Variants in HS6ST3 observed in about 807,000 individuals in gnomAD.
HS6ST3 encodes the protein heparan-sulfate 6-O-sulfotransferase 3.
A neutral mutation model predicts 36.7 loss-of-function variants in HS6ST3; 12 were observed. That is an observed-to-expected ratio of 0.33 (90% CI 0.21 to 0.53). The LOEUF is 0.53. Ranked by LOEUF, HS6ST3 falls within the 20% of genes least tolerant of loss-of-function variation. The pLI is 0.95. For missense variants in HS6ST3, 584 were observed against 640.9 expected (o/e 0.91, Z 0.96); for synonymous variants, 240 against 257.5 (o/e 0.93, Z 0.65).
At chr13:96,622,360 A>C (rs1326310926) in intron 1 of HS6ST3, among the ~76,000 whole-genome samples, 1 of 152,164 alleles carries the variant, frequency 6.6e-6, no homozygotes, top group African/African-American at 2.4e-5. Flanking sequence ...ATTTCCTGTT[A>C]AATTGTCAGC....
intron 1 of HS6ST3, among the ~76,000 whole-genome samples, chr13:96,483,182 T>C (rs981454788): frequency 6.6e-6 from 1 of 152,202 alleles, no homozygotes; most frequent in Non-Finnish European, 1.5e-5. Flanking sequence ...TGCATTTAAC[T>C]GTGGGAATGG....
chr13:96,314,353 G>A (rs1237496859), intron 1 of HS6ST3, among the ~76,000 whole-genome samples: 7 of 151,984 alleles, frequency 4.6e-5, no homozygotes, highest in South Asian at 4.2e-4. Flanking sequence ...TTATCTATAC[G>A]CTTTACTAAG....
intron 1 of HS6ST3, among the ~76,000 whole-genome samples, chr13:96,793,980 G>C (rs777008273): frequency 1.4e-4 from 22 of 151,922 alleles, no homozygotes; most frequent in Non-Finnish European, 2.8e-4. Context: ...AGATAATAAT[G>C]CATTTTATTT....
At chr13:96,727,231 T>C (rs1317676168) in intron 1 of HS6ST3, among the ~76,000 whole-genome samples, 1 of 152,148 alleles carries the variant, frequency 6.6e-6, no homozygotes, top group Non-Finnish European at 1.5e-5. Flanking sequence ...TTTTCATCTG[T>C]AAAGTGGGGA....
At chr13:96,245,392 A>AT (rs1392738322) in intron 1 of HS6ST3, among the ~76,000 whole-genome samples, 2 of 152,104 alleles carry the variant, frequency 1.3e-5, no homozygotes, top group African/African-American at 4.8e-5. Context: ...TAACTTAATT[A>AT]TTTTTTCCAT....
chr13:96,795,601 A>C (rs1228407623), intron 1 of HS6ST3, among the ~76,000 whole-genome samples: 1 of 152,132 alleles, frequency 6.6e-6, no homozygotes, highest in Non-Finnish European at 1.5e-5. Context: ...TTTTTCAAAC[A>C]AAAATGCAAC....
intron 1 of HS6ST3, among the ~76,000 whole-genome samples, chr13:96,484,353 G>A (rs1373127432): frequency 6.6e-6 from 1 of 151,724 alleles, no homozygotes; most frequent in African/African-American, 2.4e-5. Flanking sequence ...TGTGCACATT[G>A]TTGATGTAAG....
At chr13:96,381,065 TA>T (rs1028758657) in intron 1 of HS6ST3, among the ~76,000 whole-genome samples, 36 of 152,272 alleles carry the variant, frequency 2.4e-4, no homozygotes, top group African/African-American at 8.4e-4. Context: ...AGAGAGGACC[TA>T]AACAATACTA....
In HS6ST3 at chr13:96,709,180, C is replaced by T. The variant is rs111485790; in HGVS notation, c.708-123310C>T. Among the ~76,000 whole-genome samples the T allele has an allele frequency of 1.8e-4, 27 of 152,276 alleles. 2 individuals carry two copies. Among genetic ancestry groups the T allele is most frequent in the African/African-American group, 6.5e-4 (27 of 41,554 alleles). On this transcript the variant is annotated intron_variant, in intron 1 of 1. Coordinates refer to ENST00000376705, the MANE Select transcript of HS6ST3 (RefSeq NM_153456.4). ...TCTCTTCACTCATGCTCTCTCCTGC[C>T]TCCTTGTGAAGAAGGTGCCTGCTTC...
intron 1 of HS6ST3, among the ~76,000 whole-genome samples, chr13:96,183,352 G>A (rs944522228): frequency 2.6e-5 from 4 of 152,178 alleles, no homozygotes; most frequent in Non-Finnish European, 4.4e-5. Flanking sequence ...GATGCTCGAG[G>A]TGGAAGAAAG....
At chr13:96,201,649 A>G (rs1249456681) in intron 1 of HS6ST3, among the ~76,000 whole-genome samples, 3 of 152,226 alleles carry the variant, frequency 2.0e-5, no homozygotes, top group Non-Finnish European at 4.4e-5. Flanking sequence ...ATTCTAAAGA[A>G]TGAGCTGAAG....
chr13:96,416,327 A>T (rs558578605), intron 1 of HS6ST3, among the ~76,000 whole-genome samples: 1 of 152,318 alleles, frequency 6.6e-6, no homozygotes, highest in Admixed American at 6.5e-5. Flanking sequence ...AATATTTTTC[A>T]TTTTAAGTGT....
intron 1 of HS6ST3, among the ~76,000 whole-genome samples, chr13:96,416,853 C>T (rs2055535998): frequency 6.6e-6 from 1 of 151,460 alleles, no homozygotes; most frequent in Non-Finnish European, 1.5e-5. Flanking sequence ...CTCGGGTTCA[C>T]GCCATTCTCT....
At chr13:96,097,721 G>A (rs938142145) in intron 1 of HS6ST3, among the ~76,000 whole-genome samples, 20 of 152,142 alleles carry the variant, frequency 1.3e-4, no homozygotes, top group Admixed American at 2.6e-4. Flanking sequence ...TCATGTATTG[G>A]AAGGAATAGT....
In HS6ST3 at chr13:96,732,648, T is replaced by C. The variant is rs904571964; in HGVS notation, c.708-99842T>C. On this transcript the variant is annotated intron_variant, in intron 1 of 1. Coordinates refer to ENST00000376705, the MANE Select transcript of HS6ST3 (RefSeq NM_153456.4). ...CTATTCAGGGTATTTTTTGGTTTCA[T>C]ACAACTTTTAGAACTGTTTTTTCCA... Among the ~76,000 whole-genome samples the C allele has an allele frequency of 2.0e-5, 3 of 152,314 alleles. No homozygotes were observed. In the South Asian group the frequency reaches 6.2e-4, roughly 32 times the overall value.
At chr13:96,259,014 A>T (rs946178221) in intron 1 of HS6ST3, among the ~76,000 whole-genome samples, 1 of 152,150 alleles carries the variant, frequency 6.6e-6, no homozygotes, top group African/African-American at 2.4e-5. Context: ...CACCAAGCAG[A>T]TATAGTGAGG....
chr13:96,829,633 A>G (rs1035500449), intron 1 of HS6ST3, among the ~76,000 whole-genome samples: 2 of 152,142 alleles, frequency 1.3e-5, no homozygotes, highest in Admixed American at 1.3e-4. Flanking sequence ...CTCCAACTCT[A>G]TCCATGTCCA....
intron 1 of HS6ST3, among the ~76,000 whole-genome samples, chr13:96,330,088 G>A (rs1336107864): frequency 6.6e-4 from 93 of 140,374 alleles, no homozygotes; most frequent in Non-Finnish European, 1.0e-3. Context: ...CTGCATGTGA[G>A]ATGGGTTTCC....
intron 1 of HS6ST3, among the ~76,000 whole-genome samples, chr13:96,653,013 A>G (rs946697288): frequency 2.0e-5 from 3 of 152,032 alleles, no homozygotes; most frequent in Non-Finnish European, 2.9e-5. Flanking sequence ...AATAGAAATG[A>G]TCATTTTAAA....
Sources: gnomAD v4.1 joint callset for allele counts (sites outside exome capture counted in the v4.1 genomes callset) on GRCh38, gnomAD v4.1.1 for gene constraint, MANE v1.5 for transcripts, NCBI Gene and HGNC (gene_info 2026-07-23, HGNC 2026-07-21) for gene names.